SUGCT: variants seen among roughly 807,000 people sequenced by gnomAD.
SUGCT encodes the protein succinyl-CoA:glutarate CoA-transferase.
In SUGCT, 41 loss-of-function variants were observed where a neutral mutation model predicts 55.0. That is an observed-to-expected ratio of 0.74 (90% confidence interval 0.58 to 0.97). The LOEUF is 0.97. SUGCT is among the 50% of genes least tolerant of loss of function. The pLI, the probability that SUGCT is intolerant of heterozygous loss-of-function variation, is 0.00. For missense variants in SUGCT, 568 were observed against 547.8 expected, an observed-to-expected ratio of 1.04 and a Z score of -0.37; for synonymous variants, 187 against 200.4, an observed-to-expected ratio of 0.93 and a Z score of 0.56.
intron 13 of SUGCT, among the ~76,000 whole-genome samples, chr7:40,764,196 G>A (rs893185698): frequency 5.9e-5 from 9 of 152,170 alleles, no homozygotes; most frequent in Non-Finnish European, 1.5e-5. Flanking sequence ...TATGAGCATG[G>A]AAATGACAAC....
chr7:40,845,919 G>T (rs1402768506), intron 13 of SUGCT, among the ~76,000 whole-genome samples: 2 of 152,152 alleles, frequency 1.3e-5, no homozygotes, highest in Admixed American at 1.3e-4. Flanking sequence ...AATTCTGAAA[G>T]ACTAGTATCA....
the SUGCT span, among the ~76,000 whole-genome samples, chr7:40,889,459 C>T: frequency 4.6e-5 from 7 of 152,082 alleles, no homozygotes; most frequent in African/African-American, 1.4e-4. Flanking sequence ...TCCCAAGCAC[C>T]GAAATGCCAT....
At chr7:40,774,060 A>G (rs1368027249) in intron 13 of SUGCT, among the ~76,000 whole-genome samples, 1 of 152,150 alleles carries the variant, frequency 6.6e-6, no homozygotes, top group Non-Finnish European at 1.5e-5. Flanking sequence ...GAATCTCACA[A>G]TACTTCCGAA....
chr7:40,342,357 A>C (rs1281230537), intron 9 of SUGCT, among the ~76,000 whole-genome samples: 1 of 152,224 alleles, frequency 6.6e-6, no homozygotes, highest in East Asian at 1.9e-4. Context: ...TCAGAAAAGC[A>C]AATGAGAGAC....
chr7:40,733,657 G>GT (rs778180979), intron 12 of SUGCT, among the ~76,000 whole-genome samples: 12 of 152,194 alleles, frequency 7.9e-5, no homozygotes, highest in Admixed American at 1.3e-4. Flanking sequence ...CAGTGTCCGT[G>GT]TCTTTCTGTA....
At chr7:40,842,472 G>T (rs181228152) in intron 13 of SUGCT, among the ~76,000 whole-genome samples, 1 of 151,958 alleles carries the variant, frequency 6.6e-6, no homozygotes, top group East Asian at 1.9e-4. Flanking sequence ...TTAAATTAAG[G>T]TAAATTTGGT....
chr7:40,588,110 C>T (rs571766774), intron 12 of SUGCT, among the ~76,000 whole-genome samples: 4 of 151,968 alleles, frequency 2.6e-5, no homozygotes, highest in South Asian at 2.1e-4. Context: ...ACCAATTGGC[C>T]AGGCTGGTCT....
In SUGCT at chr7:40,195,046, A is replaced by G. The variant is rs757894659; in HGVS notation, c.470A>G (p.Tyr157Cys). ...DIDEIAPHII[Y>C]CSITGYGQTG... Reference sequence around the variant, plus strand: ...GACGAGATTGCTCCTCACATCATCTATTGTTCCATCACAGGTATTTCAACC... The same window carrying G: ...GACGAGATTGCTCCTCACATCATCTGTTGTTCCATCACAGGTATTTCAACC... The change falls in exon 6 of 14, where the codon TAT (tyrosine) becomes TGT (cysteine). Residue 157 changes from tyrosine to cysteine, a missense_variant. Physicochemically the swap from Tyr to Cys is radical, Grantham distance 194 (BLOSUM62 -2). Transcript: ENST00000335693. The G allele has an allele frequency of 1.4e-5, 23 of 1,612,922 alleles. No individual in the cohort carries two copies. Among genetic ancestry groups the G allele is most frequent in the Admixed American group, 3.3e-5 (2 of 59,940 alleles).
At chr7:40,985,901 T>C in the SUGCT span, among the ~76,000 whole-genome samples, 1 of 152,200 alleles carries the variant, frequency 6.6e-6, no homozygotes, top group African/African-American at 2.4e-5. Context: ...CCATGGTTTT[T>C]CAGTCTCTTT....
At chr7:41,016,658 G>A in the SUGCT span, among the ~76,000 whole-genome samples, 2 of 152,180 alleles carry the variant, frequency 1.3e-5, no homozygotes. Flanking sequence ...ATTTTAATAT[G>A]TATACTTACA....
At chr7:40,309,616 G>A (rs1266358574) in intron 8 of SUGCT, among the ~76,000 whole-genome samples, 7 of 152,110 alleles carry the variant, frequency 4.6e-5, no homozygotes, top group Non-Finnish European at 8.8e-5. Flanking sequence ...TTAAATAAAA[G>A]TATGGAATGA....
intron 12 of SUGCT, among the ~76,000 whole-genome samples, chr7:40,658,938 T>C (rs1801166945): frequency 6.6e-6 from 1 of 152,074 alleles, no homozygotes; most frequent in African/African-American, 2.4e-5. Context: ...ACTGGAGTGG[T>C]GTGGAGTTTG....
intron 9 of SUGCT, among the ~76,000 whole-genome samples, chr7:40,337,194 C>T (rs1796761277): frequency 6.6e-6 from 1 of 152,106 alleles, no homozygotes. Flanking sequence ...TGGAATAGTG[C>T]TATGTGGTGC....
chr7:40,819,744 C>T (rs529536085), intron 13 of SUGCT, among the ~76,000 whole-genome samples: 1 of 152,256 alleles, frequency 6.6e-6, no homozygotes, highest in South Asian at 2.1e-4. Flanking sequence ...TTTTGCTGTG[C>T]AGAAGCTCTT....
intron 13 of SUGCT, among the ~76,000 whole-genome samples, chr7:40,846,228 G>A (rs1407364090): frequency 2.0e-5 from 3 of 152,196 alleles, no homozygotes; most frequent in African/African-American, 7.2e-5. Flanking sequence ...CGCCCAAAGA[G>A]CTTGTATTGA....
At chr7:40,176,961 CA>C (rs4051102) in intron 1 of SUGCT, among the ~76,000 whole-genome samples, 6,689 of 100,140 alleles carry the variant, frequency 0.067, 368 homozygotes, top group African/African-American at 0.21. Flanking sequence ...ACTCCGTCTC[CA>C]AAAAAAAAAA....
chr7:40,335,734 T>G (rs1796653962), intron 9 of SUGCT, among the ~76,000 whole-genome samples: 1 of 152,210 alleles, frequency 6.6e-6, no homozygotes, highest in Admixed American at 6.5e-5. Flanking sequence ...TTGAATATGC[T>G]TTATTTCTTT....
At chr7:40,880,949 C>T in the SUGCT span, among the ~76,000 whole-genome samples, 2 of 152,270 alleles carry the variant, frequency 1.3e-5, no homozygotes, top group South Asian at 4.1e-4. Flanking sequence ...GCATTTGGTC[C>T]TTGAAAGCTA....
chr7:40,855,056 C>G (rs893986706), intron 13 of SUGCT, among the ~76,000 whole-genome samples: 35 of 151,864 alleles, frequency 2.3e-4, no homozygotes, highest in African/African-American at 8.4e-4. Context: ...TTTCCACCCT[C>G]CTGTCCTAGT....
Sources: allele counts gnomAD v4.1 joint callset (sites outside exome capture counted in the v4.1 genomes callset), GRCh38; gene constraint gnomAD v4.1.1; transcripts MANE v1.5; gene names NCBI Gene and HGNC (gene_info 2026-07-23, HGNC 2026-07-21).